PTPN1: variants seen among roughly 807,000 people sequenced by gnomAD.
PTPN1 encodes the protein tyrosine-protein phosphatase non-receptor type 1.
In PTPN1, 12 loss-of-function variants were observed where a neutral mutation model predicts 59.9. The observed-to-expected ratio is 0.20, with a 90% CI of 0.13 to 0.32. The LOEUF is 0.32. Among genes scored for constraint, PTPN1 ranks in the 10% least tolerant of loss-of-function variants. The pLI, the probability that PTPN1 is intolerant of heterozygous loss-of-function variation, is 1.00. For synonymous variants in PTPN1, 178 were observed against 203.6 expected, an observed-to-expected ratio of 0.87 and a Z score of 1.07; for missense variants, 356 against 549.2, an observed-to-expected ratio of 0.65 and a Z score of 3.52.
chr20:50,577,582 C>T, intron 5 of PTPN1: 1 of 152,412 alleles, frequency 6.6e-6, no homozygotes, highest in African/African-American at 2.4e-5. Flanking sequence ...TTGATCACAG[C>T]CGCCAGAAGC....
Position 50,572,219 on chromosome 20 carries a change from G to A in PTPN1, c.355-2298G>A, listed in dbSNP as rs149401940. 7 of 152,296 alleles carry A rather than the reference G, an allele frequency of 4.6e-5. No homozygotes were observed. The East Asian group carries it at 1.2e-3, about 25-fold the overall frequency. 9.4% of individuals were successfully genotyped at this position (152,296 alleles called of 1,614,324 possible). On this transcript the variant is annotated intron_variant, in intron 4 of 9. Coordinates refer to ENST00000371621, the MANE Select transcript of PTPN1 (RefSeq NM_002827.4). ...TTCCTCTGGTACCAGCCCAAGATAG[G>A]ACTCAATTTGAGGCCTGGTGAAGTA...
At chr20:50,549,772 C>T (rs2082694345) in intron 1 of PTPN1, among the ~76,000 whole-genome samples, 1 of 152,082 alleles carries the variant, frequency 6.6e-6, no homozygotes, top group Admixed American at 6.6e-5. Context: ...TTTATCTTAG[C>T]ATTTCATATT....
Position 50,568,246 on chromosome 20 carries a change from T to G in PTPN1, c.256-134T>G. On this transcript the variant is annotated intron_variant, in intron 3 of 9. Transcript: ENST00000371621. The surrounding 1 kb of genome is among the most constrained non-coding windows in gnomAD (Gnocchi z 5.6). ...CCAGGCAGAGAGAGGTGGGTCCCTGTCCCAGCCTCAGCCACCACTCTGCCT... is the reference window on the plus strand; with the variant it reads ...CCAGGCAGAGAGAGGTGGGTCCCTGGCCCAGCCTCAGCCACCACTCTGCCT... 1 of 716,304 alleles carries G rather than the reference T, an allele frequency of 1.4e-6. No homozygotes were observed. Among genetic ancestry groups the G allele is most frequent in the Non-Finnish European group, 2.5e-6 (1 of 401,430 alleles). 44.4% of individuals were successfully genotyped at this position (716,304 alleles called of 1,614,324 possible).
chr20:50,578,715 C>T, intron 6 of PTPN1, 86 bp downstream of exon 6: 1 of 1,097,916 alleles, frequency 9.1e-7, no homozygotes, highest in African/African-American at 1.6e-5. Context: ...TGAAGCGCTC[C>T]TCTTCCAAAA....
intron 1 of PTPN1, among the ~76,000 whole-genome samples, chr20:50,543,630 C>T (rs773235789): frequency 1.4e-4 from 22 of 152,134 alleles, no homozygotes; most frequent in Non-Finnish European, 2.1e-4. Flanking sequence ...CCAGAAGAAG[C>T]ACCTATTCTC....
chr20:50,568,425 G>A lies in PTPN1; in HGVS notation c.301G>A (p.Glu101Lys). 2 of 1,614,192 alleles carry A rather than the reference G, an allele frequency of 1.2e-6. No homozygotes were observed. The highest frequency in any genetic ancestry group is 1.7e-6 in the Non-Finnish European group (2 of 1,180,018). Residue 101 changes from glutamate to lysine, a missense_variant, in exon 4 of 10, where the codon GAG becomes AAG. Glu to Lys is a moderately conservative substitution (Grantham distance 56, BLOSUM62 1). This residue lies in a region of PTPN1 where 194 missense variants were observed against 344.2 expected (regional missense o/e 0.56). Coordinates refer to ENST00000371621, the MANE Select transcript of PTPN1 (RefSeq NM_002827.4). The surrounding 1 kb of genome is among the most constrained non-coding windows in gnomAD (Gnocchi z 5.6). The stretch of plus-strand genomic sequence containing the variant: ...CGGTCACTTTTGGGAGATGGTGTGG[G>A]AGCAGAAAAGCAGGGGTGTCGTCAT... ...TCGHFWEMVWEQKSRGVVMLN... is the reference protein window; with the variant it reads ...TCGHFWEMVWKQKSRGVVMLN...
intron 8 of PTPN1, among the ~76,000 whole-genome samples, chr20:50,580,127 A>G (rs2082859047): frequency 6.6e-6 from 1 of 152,226 alleles, no homozygotes; most frequent in Non-Finnish European, 1.5e-5. Flanking sequence ...GGGTGGCCGC[A>G]GGACATGAGC....
In PTPN1 at chr20:50,581,545, G is replaced by A; in HGVS notation, c.1284+85G>A. On this transcript the variant is annotated intron_variant, in intron 9 of 9. Transcript: ENST00000371621. Reference sequence around the variant, plus strand: ...TAGCCCGATGGTAGGATTCAGTTCTGTGGTGCATCTGAGCCAGTCTCAGAA... The same window carrying A: ...TAGCCCGATGGTAGGATTCAGTTCTATGGTGCATCTGAGCCAGTCTCAGAA... 5.7e-6 allele frequency: 8 copies of A among 1,412,006 alleles called. No homozygotes were observed. In the South Asian group the frequency reaches 8.5e-5, roughly 15 times the overall value. 87.5% of individuals were successfully genotyped at this position (1,412,006 alleles called of 1,614,324 possible).
chr20:50,569,116 A>G (rs1243448801), intron 4 of PTPN1, among the ~76,000 whole-genome samples: 2 of 152,150 alleles, frequency 1.3e-5, no homozygotes, highest in African/African-American at 4.8e-5. Context: ...TTGACTTACC[A>G]TAGTTCATTT....
chr20:50,542,707 C>G (rs916561785), intron 1 of PTPN1, among the ~76,000 whole-genome samples: 4 of 152,140 alleles, frequency 2.6e-5, no homozygotes, highest in African/African-American at 9.7e-5. Context: ...AGATATTGAG[C>G]AAGCCCTTTT....
intron 1 of PTPN1, among the ~76,000 whole-genome samples, chr20:50,531,770 G>A (rs564748546): frequency 2.6e-5 from 4 of 152,248 alleles, no homozygotes; most frequent in South Asian, 2.1e-4. Flanking sequence ...TCTGGCCCCC[G>A]GTCGCTCTCT....
At chr20:50,527,858 TTC>T (rs2082584156) in intron 1 of PTPN1, among the ~76,000 whole-genome samples, 1 of 152,222 alleles carries the variant, frequency 6.6e-6, no homozygotes, top group South Asian at 2.1e-4. Context: ...CATCGGTGTC[TTC>T]TCTGTTTGTT....
At chr20:50,540,889 T>C (rs2082649078) in intron 1 of PTPN1, among the ~76,000 whole-genome samples, 1 of 152,180 alleles carries the variant, frequency 6.6e-6, no homozygotes, top group African/African-American at 2.4e-5. Context: ...GGGAATGCTG[T>C]GGATTATACT....
chr20:50,579,125 A>G (rs1188142276), intron 6 of PTPN1, 43 bp from the exon 7 acceptor site: 1 of 1,602,618 alleles, frequency 6.2e-7, no homozygotes, highest in East Asian at 2.2e-5. Context: ...GTTGCCCTTG[A>G]GAATTGGACC....
intron 1 of PTPN1, among the ~76,000 whole-genome samples, chr20:50,540,693 C>T (rs1255254028): frequency 2.0e-5 from 3 of 152,142 alleles, no homozygotes; most frequent in African/African-American, 4.8e-5. Flanking sequence ...AAGCTGCTAC[C>T]GTCCAGGGTT....
chr20:50,531,888 G>T (rs2082602937), intron 1 of PTPN1, among the ~76,000 whole-genome samples: 1 of 152,152 alleles, frequency 6.6e-6, no homozygotes, highest in Admixed American at 6.5e-5. Flanking sequence ...TTACTGACAT[G>T]TGGGATCTTA....
At chr20:50,534,405 T>G (rs778971936) in intron 1 of PTPN1, among the ~76,000 whole-genome samples, 27 of 152,224 alleles carry the variant, frequency 1.8e-4, no homozygotes, top group Non-Finnish European at 3.5e-4. Flanking sequence ...TATTTTAAAA[T>G]ATATTAGAAG....
chr20:50,534,216 A>C (rs536018163), intron 1 of PTPN1, among the ~76,000 whole-genome samples: 2 of 152,236 alleles, frequency 1.3e-5, no homozygotes, highest in Admixed American at 6.5e-5. Context: ...TAGCCACTGC[A>C]CCCGGCCGAA....
intron 1 of PTPN1, among the ~76,000 whole-genome samples, chr20:50,534,214 G>T (rs1304785585): frequency 6.6e-6 from 1 of 152,164 alleles, no homozygotes; most frequent in Non-Finnish European, 1.5e-5. Context: ...GTTAGCCACT[G>T]CACCCGGCCG....
Sources: gnomAD v4.1 joint callset for allele counts (sites outside exome capture counted in the v4.1 genomes callset) on GRCh38, gnomAD v4.1.1 for gene constraint, gnomAD v4.1.1 regional missense constraint, Gnocchi (gnomAD v3.1) non-coding constraint, MANE v1.5 for transcripts, NCBI Gene and HGNC (gene_info 2026-07-23, HGNC 2026-07-21) for gene names.